The following LRWD1 variants were observed in gnomAD, a reference collection of about 807,000 sequenced individuals.
LRWD1 encodes the protein leucine-rich repeat and WD repeat-containing protein 1.
Under a neutral mutation model 75.6 loss-of-function variants are expected in LRWD1, and 76 were observed. The observed-to-expected ratio is 1.01, with a 90% CI of 0.84 to 1.22. The LOEUF is 1.22. LRWD1 is among the 50% of genes most tolerant of loss of function. The pLI, the probability that LRWD1 is intolerant of heterozygous loss-of-function variation, is 0.00. For missense variants in LRWD1, 917 were observed against 862.0 expected, an observed-to-expected ratio of 1.06 and a Z score of -0.80; for synonymous variants, 487 against 377.0, an observed-to-expected ratio of 1.29 and a Z score of -3.38.
At position 102,472,251 on chromosome 7, in the gene LRWD1, C is replaced by G; in HGVS notation, c.1476C>G (p.Gly492=). The G allele has an allele frequency of 6.3e-7, 1 of 1,597,022 alleles. No individual in the cohort carries two copies. Among genetic ancestry groups the G allele is most frequent in the Non-Finnish European group, 8.5e-7 (1 of 1,170,404 alleles). The part of the protein sequence containing the change: ...VCEVEFVFSE[G]SEASGRRVDG... ...AAGTGGAATTCGTCTTCTCTGAGGG[C>G]TCCGAGGCATCTGGACGGAGAGTGG... Residue 492 remains glycine, a synonymous_variant, in exon 12 of 15, where the codon GGC becomes GGG. Coordinates refer to ENST00000292616, the MANE Select transcript of LRWD1 (RefSeq NM_152892.3).
At chr7:102,467,160 GGTGTGTGTGGGGTGTGT>G (rs1798019186) in intron 3 of LRWD1, among the ~76,000 whole-genome samples, 162 bp from the exon 4 acceptor site, 1 of 37,090 alleles carries the variant, frequency 2.7e-5, no homozygotes, top group Non-Finnish European at 7.2e-5. Context: ...TTGTTGCTGG[GGTGTGTGTGGGGTGTGT>G]GTGTGTGTGT....
At position 102,473,055 on chromosome 7, in the gene LRWD1, C is replaced by CACCA. The variant is rs1798268972; in HGVS notation, c.*7_*10dup. ...CCATCTGGGGGAGGATGTAGCCTCA[C>CACCA]ACCATCGCAAAGGACCAGGGACACA... On this transcript the variant is annotated 3_prime_UTR_variant, in exon 15 of 15. Transcript: ENST00000292616. 2 of 1,609,678 alleles carry CACCA rather than the reference C, an allele frequency of 1.2e-6. No homozygotes were observed. The highest frequency in any genetic ancestry group is 1.7e-6 in the Non-Finnish European group (2 of 1,177,252).
Position 102,468,821 on chromosome 7 carries a change from GCCCCAGTGACTGTTTACTCTAA to G in LRWD1, c.1021-29_1021-8del. On this transcript the variant is annotated splice_polypyrimidine_tract_variant and intron_variant, in intron 8 of 14. Coordinates refer to ENST00000292616, the MANE Select transcript of LRWD1 (RefSeq NM_152892.3). ...CCCGCGTGTTCACACCAATAGCTCTGCCCCAGTGACTGTTTACTCTAACCCCCGCCCAGGAGTTCTTTTCTGT... is the reference window on the plus strand; with the variant it reads ...CCCGCGTGTTCACACCAATAGCTCTGCCCCCGCCCAGGAGTTCTTTTCTGT... The G allele has an allele frequency of 6.2e-7, 1 of 1,601,856 alleles. No individual in the cohort carries two copies. The highest frequency in any genetic ancestry group is 1.3e-5 in the African/African-American group (1 of 74,884).
chr7:102,465,509 T>G (rs1348634808), intron 1 of LRWD1: 5 of 191,624 alleles, frequency 2.6e-5, no homozygotes, highest in South Asian at 3.8e-4. Context: ...TTTTTTTTTT[T>G]TTTTTTTTTT....
chr7:102,467,398 G>A lies in LRWD1; in HGVS notation c.492G>A (p.Lys164=). Reference sequence around the variant, plus strand: ...TGGGTCCTGAAGAGGAGGCTGAGAAGGCCCAGGCGGACTTTGTGAAGTCGG... The same window carrying A: ...TGGGTCCTGAAGAGGAGGCTGAGAAAGCCCAGGCGGACTTTGTGAAGTCGG... The part of the protein sequence containing the change: ...ATLGPEEEAE[K]AQADFVKSAV... Residue 164 remains lysine (K), a synonymous_variant, in exon 4 of 15, where the codon AAG becomes AAA. Transcript: ENST00000292616. The A allele has an allele frequency of 6.2e-7, 1 of 1,613,808 alleles. No individual in the cohort carries two copies. Among genetic ancestry groups the A allele is most frequent in the Non-Finnish European group, 8.5e-7 (1 of 1,179,918 alleles).
In LRWD1 at chr7:102,469,638, C is replaced by G. The variant is rs567061763; in HGVS notation, c.1293C>G (p.Phe431Leu). 1 of 1,614,206 alleles carries G rather than the reference C, an allele frequency of 6.2e-7. No homozygotes were observed. Among genetic ancestry groups the G allele is most frequent in the South Asian group, 1.1e-5 (1 of 91,092 alleles). ...DIGVPNQDYE[F>L]QASQLLTLDT... ...GGGTGCCCAACCAGGACTACGAATT[C>G]CAGGCCAGGTGATGCTTCGGGTGAG... Residue 431 changes from phenylalanine to leucine, a missense_variant, in exon 10 of 15, where the codon TTC becomes TTG. Coordinates refer to ENST00000292616, the MANE Select transcript of LRWD1 (RefSeq NM_152892.3).
chr7:102,466,094 C>T, intron 2 of LRWD1, 43 bp downstream of exon 2: 1 of 1,612,146 alleles, frequency 6.2e-7, no homozygotes, highest in Non-Finnish European at 8.5e-7. Context: ...GGGGCCAGGA[C>T]TCTGTTGGGC....
intron 3 of LRWD1, among the ~76,000 whole-genome samples, chr7:102,467,061 G>A (rs554611259): frequency 8.3e-6 from 1 of 120,194 alleles, no homozygotes; most frequent in Non-Finnish European, 1.8e-5. Flanking sequence ...AGGCACCTGG[G>A]TTGTTGCTGG....
chr7:102,466,410 CTTTATTTA>C (rs67084574), intron 3 of LRWD1, 140 bp downstream of exon 3: 15 of 570,886 alleles, frequency 2.6e-5, no homozygotes, highest in Middle Eastern at 4.7e-4. Flanking sequence ...TGATGTGCTA[CTTTATTTA>C]TTTATTTATT....
intron 14 of LRWD1, 48 bp from the exon 15 acceptor site, chr7:102,472,861 C>T (rs1798254944): frequency 6.2e-7 from 1 of 1,611,420 alleles, no homozygotes; most frequent in Non-Finnish European, 8.5e-7. Flanking sequence ...GGGGCCCTGC[C>T]TTTGGTCAGC....
chr7:102,465,755 G>C, intron 1 of LRWD1, 62 bp from the exon 2 acceptor site: 1 of 1,248,064 alleles, frequency 8.0e-7, no homozygotes, highest in East Asian at 2.3e-5. Flanking sequence ...GAGGTACCCG[G>C]GGCAGATTGG....
chr7:102,465,933 T>G lies in LRWD1; in HGVS notation c.197T>G (p.Leu66Arg). 1 of 1,613,788 alleles carries G rather than the reference T, an allele frequency of 6.2e-7. No homozygotes were observed. The highest frequency in any genetic ancestry group is 8.5e-7 in the Non-Finnish European group (1 of 1,180,018). The change falls in exon 2 of 15, where the codon CTG becomes CGG. Residue 66 changes from leucine to arginine, a missense_variant. Leu to Arg is a moderately radical substitution (Grantham distance 102). Coordinates refer to ENST00000292616, the MANE Select transcript of LRWD1 (RefSeq NM_152892.3). ...NNHLETLPDN[L>R]GLSHLRVLRC... ...CACCTGGAGACGCTGCCGGACAACCTGGGCCTGTCCCACCTGCGTGTCCTC... is the reference window on the plus strand; with the variant it reads ...CACCTGGAGACGCTGCCGGACAACCGGGGCCTGTCCCACCTGCGTGTCCTC...
In LRWD1 at chr7:102,469,911, G is replaced by A. The variant is rs758188140; in HGVS notation, c.1442+29G>A. 1.2e-5 allele frequency: 18 copies of A among 1,493,242 alleles called. No homozygotes were observed. The East Asian group carries it at 3.1e-4, about 26-fold the overall frequency. The allele number at this position is 1,493,242 out of a possible 1,614,324, so 92.5% of individuals were successfully genotyped here. ...AGGCTGGGCAGGGGGCGCCTTGGAA[G>A]CCAGGCCTCTGCAGAGGGTGGCTGT... On this transcript the variant is annotated intron_variant, in intron 11 of 14. Coordinates refer to ENST00000292616, the MANE Select transcript of LRWD1 (RefSeq NM_152892.3).
rs771343025 is a variant in LRWD1, at chr7:102,468,145, C to T, written c.762C>T (p.Ala254=). Reference sequence around the variant, plus strand: ...AGCGGGCGTGTGCCTCCCCGTCGGCCCAGGTGGAGGGCAGCCCTGTGGCAG... The same window carrying T: ...AGCGGGCGTGTGCCTCCCCGTCGGCTCAGGTGGAGGGCAGCCCTGTGGCAG... ...PSKRACASPS[A]QVEGSPVAGS... Residue 254 remains alanine (A), a synonymous_variant, in exon 6 of 15, where the codon GCC becomes GCT. Transcript: ENST00000292616. 12 of 1,607,348 alleles carry T rather than the reference C, an allele frequency of 7.5e-6. No individual in the cohort carries two copies. The highest frequency in any genetic ancestry group is 1.3e-5 in the African/African-American group (1 of 74,880).
intron 14 of LRWD1, 31 bp from the exon 15 acceptor site, chr7:102,472,878 C>T (rs551633360): frequency 1.2e-6 from 2 of 1,611,832 alleles, no homozygotes; most frequent in Non-Finnish European, 1.7e-6. Flanking sequence ...CAGCAGGAGC[C>T]CAGCCCAGCC....
rs775728037 is a variant in LRWD1 at position 102,472,220 on chromosome 7, T to C, written c.1445T>C (p.Val482Ala). Residue 482 changes from valine to alanine, a missense_variant and splice_region_variant, in exon 12 of 15, where the codon GTG becomes GCG. By Grantham distance (64) the Val-to-Ala change is moderately conservative. Coordinates refer to ENST00000292616, the MANE Select transcript of LRWD1 (RefSeq NM_152892.3). ...TAGCATCTCGTGCTGCCCCACAGGG[T>C]GTGTGAAGTGGAATTCGTCTTCTCT... ...VRLDQPQKRR[V>A]CEVEFVFSEG... 6.3e-6 allele frequency: 10 copies of C among 1,588,884 alleles called. No individual in the cohort carries two copies. In the East Asian group the frequency reaches 1.6e-4, roughly 25 times the overall value.
intron 1 of LRWD1, chr7:102,465,450 A>T (rs1447223286): frequency 1.0e-5 from 3 of 300,382 alleles, no homozygotes; most frequent in East Asian, 7.2e-5. Context: ...AGCATCCTAG[A>T]GGGGGCTAGG....
rs1454302825 is a variant in LRWD1, at chr7:102,472,563, A to G, written c.1644A>G (p.Gln548=). 8.1e-6 allele frequency: 13 copies of G among 1,604,098 alleles called. 1 individual carries two copies. The South Asian group carries it at 1.0e-4, about 12-fold the overall frequency. The change falls in exon 13 of 15, where the codon CAA becomes CAG. Residue 548 remains glutamine (Q), a synonymous_variant. Transcript: ENST00000292616. ...TVAVVVLARL[Q]WSSTELAYFS... Reference sequence around the variant, plus strand: ...CAGTGGTGGTCCTGGCGCGGCTGCAATGGTCGTCCACCGAGTTGGCCTACT... The same window carrying G: ...CAGTGGTGGTCCTGGCGCGGCTGCAGTGGTCGTCCACCGAGTTGGCCTACT...
At chr7:102,465,571 C>T (rs1163491237) in intron 1 of LRWD1, 12 of 354,856 alleles carry the variant, frequency 3.4e-5, no homozygotes, top group African/African-American at 2.9e-4. Context: ...CTTCTAGTCC[C>T]AGCTACTCGA....
Sources: gnomAD v4.1 joint callset for allele counts (sites outside exome capture counted in the v4.1 genomes callset) on GRCh38, gnomAD v4.1.1 for gene constraint, MANE v1.5 for transcripts, NCBI Gene and HGNC (gene_info 2026-07-23, HGNC 2026-07-21) for gene names.